Variants in DOK6 observed in about 807,000 individuals in gnomAD.
DOK6 encodes the protein docking protein 6, also known as downstream of tyrosine kinase 6.
Under a neutral mutation model 44.0 loss-of-function variants are expected in DOK6, and 22 were observed. The observed-to-expected ratio is 0.50, with a 90% confidence interval of 0.36 to 0.71. DOK6 has a LOEUF of 0.71. DOK6 is among the 30% of genes least tolerant of loss of function. DOK6 has a pLI of 0.00. For synonymous variants in DOK6, 166 were observed against 145.5 expected, an observed-to-expected ratio of 1.14 and a Z score of -1.01; for missense variants, 340 against 416.4, an observed-to-expected ratio of 0.82 and a Z score of 1.60.
rs575762302 is a variant in DOK6 at position 69,787,904 on chromosome 18, C to G, written c.856+30031C>G. The stretch of plus-strand genomic sequence containing the variant: ...TACCTTTAGACTAAATATATATGCA[C>G]TTTAGACTAAATATATTCAGCCTCG... On this transcript the variant is annotated intron_variant, in intron 7 of 7. Coordinates refer to ENST00000382713, the MANE Select transcript of DOK6 (RefSeq NM_152721.6). Among the ~76,000 whole-genome samples the G allele has an allele frequency of 2.0e-5, 3 of 152,316 alleles. No individual in the cohort carries two copies. In the South Asian group the frequency reaches 6.2e-4, roughly 32 times the overall value.
At chr18:69,703,317 C>A (rs1986563068) in intron 5 of DOK6, among the ~76,000 whole-genome samples, 1 of 152,142 alleles carries the variant, frequency 6.6e-6, no homozygotes, top group African/African-American at 2.4e-5. Flanking sequence ...GCACCAGAAA[C>A]CTCATTTATT....
intron 5 of DOK6, among the ~76,000 whole-genome samples, chr18:69,728,828 A>T (rs923036410): frequency 6.6e-6 from 1 of 152,238 alleles, no homozygotes; most frequent in Non-Finnish European, 1.5e-5. Context: ...TTGAAGAGTA[A>T]TGTCTATAGT....
At chr18:69,644,471 TA>T (rs1985020779) in intron 3 of DOK6, among the ~76,000 whole-genome samples, 1 of 152,210 alleles carries the variant, frequency 6.6e-6, no homozygotes, top group Non-Finnish European at 1.5e-5. Context: ...TTATCCTGCC[TA>T]TGGATGTCCA....
chr18:69,460,054 T>C (rs12959185), intron 1 of DOK6, among the ~76,000 whole-genome samples: 27,038 of 152,218 alleles, frequency 0.18, 2,985 homozygotes, highest in Non-Finnish European at 0.25. Context: ...TGAGAGCTTA[T>C]TTAAGCTGAC....
At chr18:69,658,390 T>C (rs1985424500) in intron 3 of DOK6, among the ~76,000 whole-genome samples, 1 of 152,232 alleles carries the variant, frequency 6.6e-6, no homozygotes, top group Non-Finnish European at 1.5e-5. Flanking sequence ...GAGTCACACA[T>C]GAGTTAATAT....
chr18:69,699,984 G>C (rs1986476944), intron 5 of DOK6, among the ~76,000 whole-genome samples: 1 of 152,014 alleles, frequency 6.6e-6, no homozygotes, highest in Non-Finnish European at 1.5e-5. Context: ...CATGGCAGCA[G>C]ACGAGAGAAG....
intron 7 of DOK6, among the ~76,000 whole-genome samples, chr18:69,828,813 C>G (rs1355688091): frequency 2.1e-5 from 3 of 140,076 alleles, no homozygotes; most frequent in Non-Finnish European, 4.7e-5. Context: ...TGCATATCCA[C>G]TTATGAGATA....
chr18:69,671,874 A>G (rs970093989), intron 3 of DOK6, among the ~76,000 whole-genome samples: 2 of 152,212 alleles, frequency 1.3e-5, no homozygotes, highest in Admixed American at 6.5e-5. Context: ...TCTAGGGTAA[A>G]GGGTGACTAG....
intron 1 of DOK6, among the ~76,000 whole-genome samples, chr18:69,443,950 T>C (rs930319256): frequency 3.5e-5 from 4 of 115,060 alleles, no homozygotes; most frequent in Non-Finnish European, 7.2e-5. Flanking sequence ...TAAACATATG[T>C]ACACACACAT....
chr18:69,587,348 C>G (rs1251743141), intron 2 of DOK6, among the ~76,000 whole-genome samples: 6 of 152,142 alleles, frequency 3.9e-5, no homozygotes, highest in Non-Finnish European at 8.8e-5. Flanking sequence ...TAACTTCTAT[C>G]TCTGCCTCCA....
Position 69,831,689 on chromosome 18 carries a change from A to G in DOK6, c.857-9555A>G, listed in dbSNP as rs79080814. ...CCAACAAATCTACTTAAGGTCATGA[A>G]GCTACTGAGACCCTGAGATCTCCAA... On this transcript the variant is annotated intron_variant, in intron 7 of 7. Coordinates refer to ENST00000382713, the MANE Select transcript of DOK6 (RefSeq NM_152721.6). Among the ~76,000 whole-genome samples the G allele has an allele frequency of 2.3e-3, 357 of 152,300 alleles. 3 individuals carry two copies. The highest frequency in any genetic ancestry group is 8.1e-3 in the African/African-American group (337 of 41,568).
chr18:69,698,204 A>AATGATTCAGAAC (rs1330695869), intron 4 of DOK6, among the ~76,000 whole-genome samples, 200 bp from the exon 5 acceptor site: 1 of 152,224 alleles, frequency 6.6e-6, no homozygotes, highest in Non-Finnish European at 1.5e-5. Flanking sequence ...TGAATGAATT[A>AATGATTCAGAAC]ATGATTCAGA....
chr18:69,583,521 G>A (rs1311447427), intron 2 of DOK6, among the ~76,000 whole-genome samples: 3 of 152,112 alleles, frequency 2.0e-5, no homozygotes, highest in Admixed American at 2.0e-4. Flanking sequence ...ATGGAGTCCT[G>A]CATTAAACAG....
intron 1 of DOK6, among the ~76,000 whole-genome samples, chr18:69,478,972 A>G (rs1257362329): frequency 6.6e-6 from 1 of 152,176 alleles, no homozygotes; most frequent in Non-Finnish European, 1.5e-5. Context: ...ATAAATTAAG[A>G]CACAAATTAA....
intron 3 of DOK6, among the ~76,000 whole-genome samples, chr18:69,650,660 C>T (rs1985200548): frequency 6.6e-6 from 1 of 152,130 alleles, no homozygotes; most frequent in Non-Finnish European, 1.5e-5. Context: ...TCAGTTATGC[C>T]AGAAGAATAA....
In DOK6 at chr18:69,848,142, C is replaced by T. The variant is rs2145147608; in HGVS notation, c.*6759C>T. 1 of 152,140 alleles carries T rather than the reference C, an allele frequency of 6.6e-6. No homozygotes were observed. The highest frequency in any genetic ancestry group is 2.1e-4 in the South Asian group (1 of 4,816). 9.4% of individuals were successfully genotyped at this position (152,140 alleles called of 1,614,324 possible). A position where few individuals can be genotyped will look rare whatever the true frequency, so the allele number is the denominator to read the frequency against. ...TAGATTCACACAGAATTACCCCATC[C>T]TGCAAAATCCTTATCCCTATGAATC... On this transcript the variant is annotated 3_prime_UTR_variant, in exon 8 of 8. Coordinates refer to ENST00000382713, the MANE Select transcript of DOK6 (RefSeq NM_152721.6).
chr18:69,655,941 G>T (rs950450746), intron 3 of DOK6, among the ~76,000 whole-genome samples: 1 of 151,634 alleles, frequency 6.6e-6, no homozygotes, highest in African/African-American at 2.4e-5. Flanking sequence ...AGAAACAATG[G>T]TGAATAGGAA....
chr18:69,528,826 C>A (rs1981907748), intron 1 of DOK6, among the ~76,000 whole-genome samples: 1 of 152,112 alleles, frequency 6.6e-6, no homozygotes, highest in African/African-American at 2.4e-5. Context: ...ACTGACTGTG[C>A]TTATGTTTTT....
intron 7 of DOK6, among the ~76,000 whole-genome samples, chr18:69,768,954 CGTGTGT>C (rs61202412): frequency 7.0e-6 from 1 of 142,588 alleles, no homozygotes; most frequent in African/African-American, 2.6e-5. Flanking sequence ...GAAGGGTGTG[CGTGTGT>C]GTGTGTGTGT....
Sources: allele counts gnomAD v4.1 joint callset (sites outside exome capture counted in the v4.1 genomes callset), GRCh38; gene constraint gnomAD v4.1.1; transcripts MANE v1.5; gene names NCBI Gene and HGNC (gene_info 2026-07-23, HGNC 2026-07-21).